The following CDK17 variants were observed in gnomAD, a reference collection of about 807,000 sequenced individuals.
CDK17 encodes the protein cyclin dependent kinase 17.
Under a neutral mutation model 77.6 loss-of-function variants are expected in CDK17, and 24 were observed. The ratio of observed to expected loss-of-function variants is 0.31; its 90% CI spans 0.22 to 0.44. CDK17 has a LOEUF of 0.44. Among genes scored for constraint, CDK17 ranks in the 20% least tolerant of loss-of-function variants. The pLI is 1.00. For missense variants in CDK17, 429 were observed against 622.5 expected, an observed-to-expected ratio of 0.69 and a Z score of 3.31; for synonymous variants, 203 against 210.4, an observed-to-expected ratio of 0.96 and a Z score of 0.30.
intron 1 of CDK17, among the ~76,000 whole-genome samples, chr12:96,358,834 G>A (rs967263700): frequency 6.5e-5 from 4 of 61,156 alleles, no homozygotes; most frequent in Non-Finnish European, 9.7e-5. Context: ...CTCCGTGCCC[G>A]CCCCCACCCC....
Position 96,297,635 on chromosome 12 carries a change from CA to C in CDK17, c.801del (p.Phe267LeufsTer8). 6.3e-7 allele frequency: 1 copy of C among 1,580,798 alleles called. No homozygotes were observed. Among genetic ancestry groups the C allele is most frequent in the Non-Finnish European group, 8.7e-7 (1 of 1,153,584 alleles). On this transcript the variant is annotated frameshift_variant, in exon 8 of 17. Transcript: ENST00000261211. LOFTEE classifies it high-confidence loss of function. The part of the protein sequence containing the change: ...VHTDKSLTLV[F>X]EYLDKDLKQY... ...TTTTATGAGATGCTTACCAGATACT[CA>C]AACACCAAAGTCAAGGATTTATCTG... is the stretch of plus-strand genomic sequence containing the variant.
chr12:96,286,019 C>T, intron 13 of CDK17, 24 bp downstream of exon 13: 1 of 1,189,438 alleles, frequency 8.4e-7, no homozygotes, highest in Non-Finnish European at 1.2e-6. Flanking sequence ...GTTTTCCCCC[C>T]TTTCACATAA....
At chr12:96,394,814 A>G (rs1954141545) in intron 1 of CDK17, among the ~76,000 whole-genome samples, 1 of 149,816 alleles carries the variant, frequency 6.7e-6, no homozygotes, top group Non-Finnish European at 1.5e-5. Context: ...AAAAAAAAGA[A>G]AAAAAAAAGG....
intron 1 of CDK17, among the ~76,000 whole-genome samples, chr12:96,388,256 A>C (rs916665899): frequency 6.6e-6 from 1 of 152,222 alleles, no homozygotes; most frequent in Non-Finnish European, 1.5e-5. Context: ...GGTTCAAAGA[A>C]ATATTTGGTT....
At chr12:96,365,290 CAG>C (rs368664416) in intron 1 of CDK17, among the ~76,000 whole-genome samples, 2 of 152,102 alleles carry the variant, frequency 1.3e-5, no homozygotes, top group African/African-American at 2.4e-5. Flanking sequence ...ATGGAGTTTA[CAG>C]AGTCTTTACA....
intron 1 of CDK17, among the ~76,000 whole-genome samples, chr12:96,346,694 A>G (rs1288168277): frequency 6.6e-6 from 1 of 152,058 alleles, no homozygotes; most frequent in Non-Finnish European, 1.5e-5. Context: ...ACACAAGTGG[A>G]TCATGAGATC....
chr12:96,387,538 A>G (rs1490371554), intron 1 of CDK17, among the ~76,000 whole-genome samples: 2 of 152,232 alleles, frequency 1.3e-5, no homozygotes, highest in African/African-American at 4.8e-5. Context: ...ATAGTAAACA[A>G]TAATATAATA....
chr12:96,338,270 C>G (rs1445853899), intron 1 of CDK17, among the ~76,000 whole-genome samples: 1 of 152,240 alleles, frequency 6.6e-6, no homozygotes, highest in African/African-American at 2.4e-5. Flanking sequence ...CAAATGAAAG[C>G]TCACATCTGG....
At chr12:96,287,214 G>C (rs981651973) in intron 11 of CDK17, among the ~76,000 whole-genome samples, 16 of 152,118 alleles carry the variant, frequency 1.1e-4, no homozygotes, top group Non-Finnish European at 1.5e-5. Context: ...GAAATGGAGA[G>C]AAACAAATGA....
At chr12:96,292,105 A>G (rs1169575333) in intron 10 of CDK17, among the ~76,000 whole-genome samples, 1 of 152,194 alleles carries the variant, frequency 6.6e-6, no homozygotes, top group Non-Finnish European at 1.5e-5. Context: ...TAAATAGCAT[A>G]TAATTTGTTA....
chr12:96,304,010 G>T (rs915705363), intron 5 of CDK17, among the ~76,000 whole-genome samples: 1 of 152,162 alleles, frequency 6.6e-6, no homozygotes, highest in African/African-American at 2.4e-5. Flanking sequence ...CAGAGTAAGA[G>T]ATCAACTAAT....
At chr12:96,399,925 G>A (rs1229944314) in intron 1 of CDK17, 61 bp downstream of exon 1, 4 of 313,116 alleles carry the variant, frequency 1.3e-5, no homozygotes, top group African/African-American at 4.4e-5. Context: ...GCAGCCTCCC[G>A]GCCCCGCGGC....
At position 96,282,565 on chromosome 12, in the gene CDK17, G is replaced by A. The variant is rs1289487379; in HGVS notation, c.1400C>T (p.Ala467Val). The change falls in exon 15 of 17, where the codon GCC becomes GTC. Residue 467 changes from alanine (A) to valine (V), a missense_variant. This residue lies in a region of CDK17 where 115 missense variants were observed against 124.2 expected (regional missense o/e 0.93). Transcript: ENST00000261211. ...ACTTCGAAAGTACACATGTTTCATGGCCTCTTCAGCTGAAACCCTTTTCTT... is the reference window on the plus strand; with the variant it reads ...ACTTCGAAAGTACACATGTTTCATGACCTCTTCAGCTGAAACCCTTTTCTT... ...ESKKRVSAEE[A>V]MKHVYFRSLG... The A allele has an allele frequency of 1.2e-6, 2 of 1,612,404 alleles. No individual in the cohort carries two copies. Among genetic ancestry groups the A allele is most frequent in the East Asian group, 2.2e-5 (1 of 44,844 alleles).
At chr12:96,386,850 T>C in intron 1 of CDK17, 1 of 167,314 alleles carries the variant, frequency 6.0e-6, no homozygotes. Context: ...CAGGACCCCC[T>C]CTCCCTCTGC....
chr12:96,297,533 GC>G, intron 8 of CDK17, 93 bp downstream of exon 8: 1 of 902,570 alleles, frequency 1.1e-6, no homozygotes, highest in Non-Finnish European at 1.8e-6. Flanking sequence ...AAGCACAGCT[GC>G]AGTTTAAAGA....
chr12:96,366,870 G>A (rs1953592377), intron 1 of CDK17, among the ~76,000 whole-genome samples: 1 of 152,106 alleles, frequency 6.6e-6, no homozygotes, highest in African/African-American at 2.4e-5. Context: ...ACACAAGTCA[G>A]TAAAATTTTA....
intron 2 of CDK17, among the ~76,000 whole-genome samples, chr12:96,329,239 A>G (rs1207419379): frequency 2.0e-5 from 3 of 152,172 alleles, no homozygotes; most frequent in African/African-American, 7.2e-5. Flanking sequence ...CGCAATGTAA[A>G]TAGACACGTA....
intron 3 of CDK17, among the ~76,000 whole-genome samples, chr12:96,322,186 C>T (rs1007612883): frequency 6.6e-6 from 1 of 152,130 alleles, no homozygotes; most frequent in South Asian, 2.1e-4. Context: ...CTTGTCAGAA[C>T]TTTACTCATC....
At chr12:96,354,079 G>C (rs1953358484) in intron 1 of CDK17, among the ~76,000 whole-genome samples, 2 of 152,148 alleles carry the variant, frequency 1.3e-5, no homozygotes, top group South Asian at 4.1e-4. Context: ...AAACAGAATG[G>C]ATAGAGACAT....
Sources: gnomAD v4.1 joint callset for allele counts (sites outside exome capture counted in the v4.1 genomes callset) on GRCh38, gnomAD v4.1.1 for gene constraint, gnomAD v4.1.1 regional missense constraint, MANE v1.5 for transcripts, NCBI Gene and HGNC (gene_info 2026-07-23, HGNC 2026-07-21) for gene names.